Variants in OXCT1 observed in about 807,000 individuals in gnomAD.
OXCT1 encodes the protein succinyl-CoA:3-ketoacid coenzyme A transferase 1, mitochondrial.
A neutral mutation model predicts 69.6 loss-of-function variants in OXCT1; 27 were observed. The observed-to-expected ratio is 0.39, with a 90% CI of 0.29 to 0.54. The LOEUF (loss-of-function observed/expected upper bound fraction) is 0.54, where lower values mean the gene tolerates loss of function less well. Among genes scored for constraint, OXCT1 ranks in the 20% least tolerant of loss-of-function variants. The pLI is 0.72. For missense variants in OXCT1, 437 were observed against 650.2 expected, an observed-to-expected ratio of 0.67 and a Z score of 3.57; for synonymous variants, 202 against 217.8, an observed-to-expected ratio of 0.93 and a Z score of 0.64.
Position 41,786,252 on chromosome 5 carries a change from G to C in OXCT1, c.1248+7751C>G, listed in dbSNP as rs187306533. Among the ~76,000 whole-genome samples the C allele has an allele frequency of 3.9e-3, 589 of 151,626 alleles. 6 individuals carry two copies. Among genetic ancestry groups the C allele is most frequent in the South Asian group, 0.036 (174 of 4,826 alleles). ...CTGCTCACCCCACTCCACACACACA[G>C]AGAGAGGAAGGGATCAGCTTTAAAT... On this transcript the variant is annotated intron_variant, in intron 13 of 16. Transcript: ENST00000196371.
chr5:41,823,678 C>T (rs1173810826), intron 7 of OXCT1, among the ~76,000 whole-genome samples: 1 of 152,162 alleles, frequency 6.6e-6, no homozygotes, highest in Non-Finnish European at 1.5e-5. Flanking sequence ...AACTTCCAAC[C>T]TCCTGGCACG....
intron 5 of OXCT1, 72 bp from the exon 6 acceptor site, chr5:41,842,853 G>T: frequency 1.0e-6 from 1 of 992,052 alleles, no homozygotes; most frequent in Non-Finnish European, 1.6e-6. Flanking sequence ...CTCTGATAGA[G>T]GTAGATAATA....
intron 13 of OXCT1, among the ~76,000 whole-genome samples, chr5:41,776,598 G>T (rs1470835546): frequency 1.3e-5 from 2 of 152,182 alleles, no homozygotes; most frequent in Non-Finnish European, 2.9e-5. Flanking sequence ...ATTTGAGAAA[G>T]TCAAATGAAT....
At chr5:41,843,229 C>T (rs573346772) in intron 5 of OXCT1, among the ~76,000 whole-genome samples, 53 of 152,260 alleles carry the variant, frequency 3.5e-4, no homozygotes, top group African/African-American at 1.2e-3. Flanking sequence ...TAACCTATAT[C>T]ACCTGTTGAG....
chr5:41,863,686 T>C (rs1384067468), intron 1 of OXCT1, among the ~76,000 whole-genome samples: 2 of 152,206 alleles, frequency 1.3e-5, no homozygotes, highest in Non-Finnish European at 2.9e-5. Flanking sequence ...GAAAAGTCCA[T>C]ATACTGGAAT....
At chr5:41,814,405 C>T (rs1747129940) in intron 7 of OXCT1, among the ~76,000 whole-genome samples, 1 of 152,050 alleles carries the variant, frequency 6.6e-6, no homozygotes, top group African/African-American at 2.4e-5. Context: ...AAACACCATG[C>T]TGCTATAGAC....
chr5:41,779,390 C>G (rs1397921368), intron 13 of OXCT1, among the ~76,000 whole-genome samples: 4 of 152,048 alleles, frequency 2.6e-5, no homozygotes, highest in Non-Finnish European at 5.9e-5. Context: ...GTTATACTAG[C>G]CACATTTCAA....
intron 11 of OXCT1, among the ~76,000 whole-genome samples, chr5:41,800,526 C>T (rs560009994): frequency 1.3e-5 from 2 of 151,680 alleles, no homozygotes; most frequent in South Asian, 4.2e-4. Context: ...TGTGATTTGA[C>T]TGAGTTCCTC....
intron 15 of OXCT1, among the ~76,000 whole-genome samples, chr5:41,745,314 C>T (rs1362191768): frequency 7.9e-5 from 12 of 151,678 alleles, no homozygotes; most frequent in African/African-American, 2.9e-4. Context: ...GGGTACATAA[C>T]GAAATGAAGG....
intron 14 of OXCT1, among the ~76,000 whole-genome samples, chr5:41,760,021 A>C (rs558586273): frequency 6.6e-6 from 1 of 152,236 alleles, no homozygotes; most frequent in South Asian, 2.1e-4. Flanking sequence ...TTCTTAACTG[A>C]AGAGATTACC....
Position 41,791,877 on chromosome 5 carries a change from C to T in OXCT1, c.1248+2126G>A, listed in dbSNP as rs180767542. 3.8e-3 allele frequency among the ~76,000 whole-genome samples: 579 copies of T among 152,220 alleles called. 2 individuals carry two copies. Among genetic ancestry groups the T allele is most frequent in the African/African-American group, 0.013 (558 of 41,534 alleles). On this transcript the variant is annotated intron_variant, in intron 13 of 16. Coordinates refer to ENST00000196371, the MANE Select transcript of OXCT1 (RefSeq NM_000436.4). ...GGAGTGCAGTGGCGCGATCTCTGCT[C>T]ACTGCAAGCTCCGCCTCCCGGGTGC...
intron 5 of OXCT1, among the ~76,000 whole-genome samples, chr5:41,849,294 G>T (rs1561127498): frequency 6.6e-6 from 1 of 152,144 alleles, no homozygotes; most frequent in Non-Finnish European, 1.5e-5. Context: ...CCCCAGAGAT[G>T]ACTACAGCAT....
chr5:41,773,827 A>G (rs978658144), intron 13 of OXCT1, among the ~76,000 whole-genome samples: 2 of 152,154 alleles, frequency 1.3e-5, no homozygotes, highest in African/African-American at 4.8e-5. Context: ...AGTAACGTTG[A>G]CCATTCATAA....
intron 3 of OXCT1, among the ~76,000 whole-genome samples, chr5:41,858,966 G>T (rs1455002093): frequency 6.6e-6 from 1 of 152,078 alleles, no homozygotes; most frequent in African/African-American, 2.4e-5. Context: ...CCAGTCAACT[G>T]CAGTCCACAA....
chr5:41,818,219 G>GA, intron 7 of OXCT1, among the ~76,000 whole-genome samples: 1 of 152,110 alleles, frequency 6.6e-6, no homozygotes, highest in East Asian at 1.9e-4. Flanking sequence ...AATAAAACAT[G>GA]AAAATAAGTG....
chr5:41,771,806 C>A (rs1195073354), intron 13 of OXCT1, among the ~76,000 whole-genome samples: 1 of 152,076 alleles, frequency 6.6e-6, no homozygotes, highest in African/African-American at 2.4e-5. Context: ...ATTTAAAAAT[C>A]CAGGGATAAG....
At chr5:41,816,479 G>T (rs1457798530) in intron 7 of OXCT1, among the ~76,000 whole-genome samples, 1 of 152,214 alleles carries the variant, frequency 6.6e-6, no homozygotes, top group East Asian at 1.9e-4. Context: ...GCAACACTTG[G>T]TTCCAGGCTT....
intron 15 of OXCT1, among the ~76,000 whole-genome samples, chr5:41,744,947 C>T (rs1346789389): frequency 6.6e-6 from 1 of 152,080 alleles, no homozygotes; most frequent in Non-Finnish European, 1.5e-5. Context: ...TAGACTGCCA[C>T]ACAATAATAA....
At position 41,870,060 on chromosome 5, in the gene OXCT1, C is replaced by T. The variant is rs1003307620; in HGVS notation, c.78+221G>A. 1.7e-6 allele frequency: 1 copy of T among 585,390 alleles called. No individual in the cohort carries two copies. The highest frequency in any genetic ancestry group is 3.1e-6 in the Non-Finnish European group (1 of 324,544). 36.3% of individuals were successfully genotyped at this position (585,390 alleles called of 1,614,324 possible). ...GCGCGCTTCTTTATCGCGTCTCGCT[C>T]CATCAGGGAAGCGACTGCAGAACCA... On this transcript the variant is annotated intron_variant, in intron 1 of 16. Transcript: ENST00000196371. This position sits in a 1 kb window ranked among gnomAD's most constrained non-coding sequence, Gnocchi z 4.2.
Sources: allele counts gnomAD v4.1 joint callset (sites outside exome capture counted in the v4.1 genomes callset), GRCh38; gene constraint gnomAD v4.1.1; non-coding constraint Gnocchi (gnomAD v3.1); transcripts MANE v1.5; gene names NCBI Gene and HGNC (gene_info 2026-07-23, HGNC 2026-07-21).